MAPK8IP2: variants seen among roughly 807,000 people sequenced by gnomAD.
The protein encoded by MAPK8IP2 is C-Jun-amino-terminal kinase-interacting protein 2.
In MAPK8IP2, 15 loss-of-function variants were observed where a neutral mutation model predicts 75.6. The ratio of observed to expected loss-of-function variants is 0.20; its 90% CI spans 0.13 to 0.31. The LOEUF is 0.31. Ranked by LOEUF, MAPK8IP2 falls within the 10% of genes least tolerant of loss-of-function variation. The pLI is 1.00. For synonymous variants in MAPK8IP2, 632 were observed against 554.5 expected, an observed-to-expected ratio of 1.14 and a Z score of -1.96; for missense variants, 1,089 against 1,211.2, an observed-to-expected ratio of 0.90 and a Z score of 1.50.
At chr22:50,609,578 T>A (rs1603444446) in intron 10 of MAPK8IP2, 1 of 344,866 alleles carries the variant, frequency 2.9e-6, no homozygotes, top group Non-Finnish European at 5.6e-6. Context: ...CATGGGGGAA[T>A]GGACGGGTCG....
At position 50,611,126 on chromosome 22, in the gene MAPK8IP2, C is replaced by T. The variant is rs369718524; in HGVS notation, c.*347C>T. Reference sequence around the variant, plus strand: ...ATTCTTCACTTTGGGGTCAGAACTTCGGGGGTGTGGAGGAGGTGCGGCTCT... The same window carrying T: ...ATTCTTCACTTTGGGGTCAGAACTTTGGGGGTGTGGAGGAGGTGCGGCTCT... On this transcript the variant is annotated 3_prime_UTR_variant, in exon 12 of 12. Transcript: ENST00000329492. This position sits in a 1 kb window ranked among gnomAD's most constrained non-coding sequence, Gnocchi z 5.5. 54 of 234,890 alleles carry T rather than the reference C, an allele frequency of 2.3e-4. No individual in the cohort carries two copies. The highest frequency in any genetic ancestry group is 1.1e-3 in the African/African-American group (51 of 44,542). The allele number at this position is 234,890 out of a possible 1,614,324, so 14.6% of individuals were successfully genotyped here.
At position 50,607,224 on chromosome 22, in the gene MAPK8IP2, G is replaced by T. The variant is rs1377547945; in HGVS notation, c.2303+233G>T. 6.6e-6 allele frequency among the ~76,000 whole-genome samples: 1 copy of T among 152,182 alleles called. No homozygotes were observed. The highest frequency in any genetic ancestry group is 2.4e-5 in the African/African-American group (1 of 41,446). ...AGTCTGGGTGGAGAGAGGCACACGG[G>T]CGAAGGATGTGAGAAGCCTGTGTGG... On this transcript the variant is annotated intron_variant, in intron 10 of 11. Coordinates refer to ENST00000329492, the MANE Select transcript of MAPK8IP2 (RefSeq NM_012324.6). The surrounding 1 kb of genome is among the most constrained non-coding windows in gnomAD (Gnocchi z 5.6).
intron 10 of MAPK8IP2, among the ~76,000 whole-genome samples, chr22:50,609,524 C>T (rs139298224): frequency 1.3e-3 from 198 of 151,772 alleles, no homozygotes; most frequent in African/African-American, 4.7e-3. Flanking sequence ...GCAAGCAGAC[C>T]ATCATGTGGC....
At position 50,605,088 on chromosome 22, in the gene MAPK8IP2, G is replaced by A. The variant is rs760217527; in HGVS notation, c.1765+24G>A. 101 of 1,611,892 alleles carry A rather than the reference G, an allele frequency of 6.3e-5. 2 individuals carry two copies. The South Asian group carries it at 1.1e-3, about 17-fold the overall frequency. ...CAGTGAGTGAGAGGTGGGGAAAAGG[G>A]GGGTGGCCCAGAGGAAGGTGCAGAC... On this transcript the variant is annotated intron_variant, in intron 5 of 11. Transcript: ENST00000329492.
rs1023652760 is a variant in MAPK8IP2, at chr22:50,604,564, C to T, written c.1265C>T (p.Pro422Leu). The change falls in exon 5 of 12, where the codon CCC (proline) becomes CTC (leucine). Residue 422 changes from proline to leucine, a missense_variant. Pro to Leu is a moderately conservative substitution (Grantham distance 98, BLOSUM62 -3). This residue lies in a region of MAPK8IP2 where 960 missense variants were observed against 1,009.6 expected (regional missense o/e 0.95). Transcript: ENST00000329492. ...CTGTGCGCGCCGCCGCCGCCCGCGC[C>T]CGCCGCGCCTCGACCCGGCCCCGCG... is the stretch of plus-strand genomic sequence containing the variant. ...ETLCAPPPPA[P>L]AAPRPGPAQP... 2 of 1,174,570 alleles carry T rather than the reference C, an allele frequency of 1.7e-6. No homozygotes were observed. 72.8% of individuals were successfully genotyped at this position (1,174,570 alleles called of 1,614,324 possible).
chr22:50,602,466 G>A (rs73445578), intron 2 of MAPK8IP2, among the ~76,000 whole-genome samples: 10,560 of 152,282 alleles, frequency 0.069, 609 homozygotes, highest in African/African-American at 0.15. Context: ...AACTTAGTAG[G>A]GGAGAAAGAC....
In MAPK8IP2 at chr22:50,607,547, G is replaced by A. The variant is rs2071072404; in HGVS notation, c.2303+556G>A. 6.6e-6 allele frequency among the ~76,000 whole-genome samples: 1 copy of A among 152,110 alleles called. No individual in the cohort carries two copies. Among genetic ancestry groups the A allele is most frequent in the African/African-American group, 2.4e-5 (1 of 41,404 alleles). ...TGACACAGGGGACCTGGGGGCTGCT[G>A]AGGTTATACAGGTGCTATGTCCTGA... On this transcript the variant is annotated intron_variant, in intron 10 of 11. Coordinates refer to ENST00000329492, the MANE Select transcript of MAPK8IP2 (RefSeq NM_012324.6). The surrounding 1 kb of genome is among the most constrained non-coding windows in gnomAD (Gnocchi z 5.6).
rs2070944295 is a variant in MAPK8IP2, at chr22:50,601,875, A to T, written c.152A>T (p.Asp51Val). Reference sequence around the variant, plus strand: ...GACTGTGGCCTGGGCCTCAGCTACGACTCAGACCACTGTGAGAAGGTGGGA... The same window carrying T: ...GACTGTGGCCTGGGCCTCAGCTACGTCTCAGACCACTGTGAGAAGGTGGGA... ...TDDCGLGLSY[D>V]SDHCEKDSLS... The change falls in exon 2 of 12, where the codon GAC (aspartate) becomes GTC (valine). Residue 51 changes from aspartate (D) to valine (V), a missense_variant. Transcript: ENST00000329492. The T allele has an allele frequency of 1.2e-6, 2 of 1,613,558 alleles. No individual in the cohort carries two copies. The highest frequency in any genetic ancestry group is 1.7e-6 in the Non-Finnish European group (2 of 1,179,638).
In MAPK8IP2 at chr22:50,610,918, G is replaced by A; in HGVS notation, c.*139G>A. The A allele has an allele frequency of 1.4e-6, 1 of 706,890 alleles. No individual in the cohort carries two copies. Among genetic ancestry groups the A allele is most frequent in the Non-Finnish European group, 2.3e-6 (1 of 436,400 alleles). 43.8% of individuals were successfully genotyped at this position (706,890 alleles called of 1,614,324 possible). A position where few individuals can be genotyped will look rare whatever the true frequency, so the allele number is the denominator to read the frequency against. On this transcript the variant is annotated 3_prime_UTR_variant, in exon 12 of 12. Transcript: ENST00000329492. The surrounding 1 kb of genome is among the most constrained non-coding windows in gnomAD (Gnocchi z 4.3). ...TACGCTTGTGGGGGTCTGCGGGCTG[G>A]GAACTCTCGTCCTCGGTCCCCAGGG...
intron 1 of MAPK8IP2, chr22:50,601,563 G>A (rs2070938480): frequency 2.0e-6 from 1 of 509,010 alleles, no homozygotes; most frequent in East Asian, 3.2e-5. Context: ...TGGGAGGGGT[G>A]GGGGCAGGGT....
intron 10 of MAPK8IP2, among the ~76,000 whole-genome samples, chr22:50,609,204 T>A (rs568878764): frequency 2.6e-5 from 4 of 152,108 alleles, no homozygotes; most frequent in Non-Finnish European, 5.9e-5. Context: ...TGGGGTGTGC[T>A]GTGTTGGGAT....
At chr22:50,606,620 C>A (rs2071054720) in intron 8 of MAPK8IP2, 38 bp from the exon 9 acceptor site, 4 of 1,430,114 alleles carry the variant, frequency 2.8e-6, no homozygotes, top group Non-Finnish European at 3.9e-6. Flanking sequence ...CCCTTGTGGG[C>A]TCCTCAAGAC....
chr22:50,608,716 T>C (rs1189917392), intron 10 of MAPK8IP2, among the ~76,000 whole-genome samples: 30 of 100,662 alleles, frequency 3.0e-4, no homozygotes, highest in African/African-American at 4.9e-4. Context: ...GGTGGGACAG[T>C]GGGCACGGGC....
chr22:50,603,926 C>A lies in MAPK8IP2; in HGVS notation c.627C>A (p.Asn209Lys), dbSNP rs753369308. 6 of 1,539,828 alleles carry A rather than the reference C, an allele frequency of 3.9e-6. No homozygotes were observed. The highest frequency in any genetic ancestry group is 3.6e-5 in the South Asian group (3 of 84,004). ...PVRPGCDCEG[N>K]RPAEPPAPGG... ...GCCCGGGTTGCGACTGCGAAGGGAA[C>A]CGGCCTGCGGAACCCCCTGCGCCAG... Residue 209 changes from asparagine (N) to lysine (K), a missense_variant, in exon 5 of 12, where the codon AAC becomes AAA. Physicochemically the swap from Asn to Lys is moderately conservative, Grantham distance 94. This residue lies in a region of MAPK8IP2 where 960 missense variants were observed against 1,009.6 expected (regional missense o/e 0.95). Coordinates refer to ENST00000329492, the MANE Select transcript of MAPK8IP2 (RefSeq NM_012324.6).
At position 50,604,309 on chromosome 22, in the gene MAPK8IP2, C is replaced by T; in HGVS notation, c.1010C>T (p.Ser337Leu). 3.9e-6 allele frequency: 6 copies of T among 1,547,636 alleles called. No individual in the cohort carries two copies. Among genetic ancestry groups the T allele is most frequent in the Non-Finnish European group, 5.2e-6 (6 of 1,153,798 alleles). ...TNSEYESGSE[S>L]EPDLSEDADS... Reference sequence around the variant, plus strand: ...AGCGAGTACGAGTCGGGGTCGGAGTCGGAGCCGGACCTCAGCGAGGACGCG... The same window carrying T: ...AGCGAGTACGAGTCGGGGTCGGAGTTGGAGCCGGACCTCAGCGAGGACGCG... The change falls in exon 5 of 12, where the codon TCG (serine) becomes TTG (leucine). Residue 337 changes from serine to leucine, a missense_variant. Coordinates refer to ENST00000329492, the MANE Select transcript of MAPK8IP2 (RefSeq NM_012324.6).
At chr22:50,602,129 T>A (rs2070948751) in intron 2 of MAPK8IP2, among the ~76,000 whole-genome samples, 1 of 152,166 alleles carries the variant, frequency 6.6e-6, no homozygotes, top group South Asian at 2.1e-4. Flanking sequence ...ACCCCATCGG[T>A]GGCCAGCCCG....
Position 50,605,739 on chromosome 22 carries a change from G to A in MAPK8IP2, c.2014+5G>A. The A allele has an allele frequency of 6.2e-7, 1 of 1,607,008 alleles. No homozygotes were observed. The highest frequency in any genetic ancestry group is 8.5e-7 in the Non-Finnish European group (1 of 1,176,930). ...GCCCTGCCAAGGACCTGCTGGGTGA[G>A]GTCCCAACCCCGAGGGGAGGCTTTT... On this transcript the variant is annotated splice_donor_5th_base_variant and intron_variant, in intron 7 of 11. Transcript: ENST00000329492.
intron 10 of MAPK8IP2, among the ~76,000 whole-genome samples, chr22:50,608,416 G>C (rs1424703984): frequency 1.6e-5 from 2 of 128,832 alleles, no homozygotes; most frequent in Non-Finnish European, 3.4e-5. Context: ...AGTGGGGCCA[G>C]CTCTGGGGTC....
At position 50,605,550 on chromosome 22, in the gene MAPK8IP2, C is replaced by T. The variant is rs779974043; in HGVS notation, c.1842-12C>T. On this transcript the variant is annotated splice_polypyrimidine_tract_variant and intron_variant, in intron 6 of 11. Transcript: ENST00000329492. Reference sequence around the variant, plus strand: ...CCGCCCCCCTCCCCAGTGACCTCTCCCCCAACGGCAGGTTCATCCCGCGGC... The same window carrying T: ...CCGCCCCCCTCCCCAGTGACCTCTCTCCCAACGGCAGGTTCATCCCGCGGC... 10 of 1,566,832 alleles carry T rather than the reference C, an allele frequency of 6.4e-6. No individual in the cohort carries two copies. Among genetic ancestry groups the T allele is most frequent in the Middle Eastern group, 1.7e-4 (1 of 5,936 alleles).
Sources: gnomAD v4.1 joint callset for allele counts (sites outside exome capture counted in the v4.1 genomes callset) on GRCh38, gnomAD v4.1.1 for gene constraint, gnomAD v4.1.1 regional missense constraint, Gnocchi (gnomAD v3.1) non-coding constraint, MANE v1.5 for transcripts, NCBI Gene and HGNC (gene_info 2026-07-23, HGNC 2026-07-21) for gene names.